KIF26B: variants seen among roughly 807,000 people sequenced by gnomAD.
The protein encoded by KIF26B is kinesin-like protein KIF26B.
In KIF26B, 63 loss-of-function variants were observed where a neutral mutation model predicts 151.2. The ratio of observed to expected loss-of-function variants is 0.42; its 90% CI spans 0.34 to 0.51. The LOEUF (loss-of-function observed/expected upper bound fraction) is 0.51. Among genes scored for constraint, KIF26B ranks in the 20% least tolerant of loss-of-function variants. The pLI, the probability that KIF26B is intolerant of heterozygous loss-of-function variation, is 0.07. For synonymous variants in KIF26B, 1,357 were observed against 1,262.1 expected, an observed-to-expected ratio of 1.08 and a Z score of -1.59; for missense variants, 2,813 against 2,913.6, an observed-to-expected ratio of 0.97 and a Z score of 0.79.
intron 2 of KIF26B, among the ~76,000 whole-genome samples, chr1:245,238,075 G>A (rs930059454): frequency 1.3e-5 from 2 of 151,526 alleles, no homozygotes; most frequent in Admixed American, 6.6e-5. Context: ...GCTCATGCCC[G>A]TAATCCCAGC....
intron 4 of KIF26B, among the ~76,000 whole-genome samples, chr1:245,521,109 G>A (rs188784213): frequency 3.9e-5 from 6 of 152,204 alleles, no homozygotes; most frequent in East Asian, 3.9e-4. Context: ...AGGCCGAGGC[G>A]GGCGGATCAC....
intron 2 of KIF26B, among the ~76,000 whole-genome samples, chr1:245,164,810 C>A (rs1191571840): frequency 6.6e-6 from 1 of 152,148 alleles, no homozygotes; most frequent in African/African-American, 2.4e-5. Context: ...CGGTGGCTCA[C>A]GCCTGTAATC....
chr1:245,540,760 A>T lies in KIF26B; in HGVS notation c.1167-7A>T, dbSNP rs1428070726. On this transcript the variant is annotated splice_region_variant and splice_polypyrimidine_tract_variant and intron_variant, in intron 4 of 14. Transcript: ENST00000407071. The surrounding 1 kb of genome is among the most constrained non-coding windows in gnomAD (Gnocchi z 4.6). ...TTTTCCCCTTATTGTTCCTTTTTCC[A>T]CTCCAGAGCTGCCCAGAAGTTAAAT... is the stretch of plus-strand genomic sequence containing the variant. 6.2e-7 allele frequency: 1 copy of T among 1,612,680 alleles called. No individual in the cohort carries two copies. Among genetic ancestry groups the T allele is most frequent in the Admixed American group, 1.7e-5 (1 of 59,992 alleles).
rs1271336711 is a variant in KIF26B at position 245,166,468 on chromosome 1, C to A, written c.465+9785C>A. 6.6e-6 allele frequency among the ~76,000 whole-genome samples: 1 copy of A among 152,176 alleles called. No individual in the cohort carries two copies. Among genetic ancestry groups the A allele is most frequent in the East Asian group, 1.9e-4 (1 of 5,190 alleles). On this transcript the variant is annotated intron_variant, in intron 2 of 14. Transcript: ENST00000407071. The surrounding 1 kb of genome is among the most constrained non-coding windows in gnomAD (Gnocchi z 4.5). ...GGAGCTCAGTGGATGTAAATAGCGA[C>A]TCCTTTGGGTTGAGGTGCCATGAAT...
At chr1:245,246,308 G>A (rs74908567) in intron 2 of KIF26B, among the ~76,000 whole-genome samples, 23 of 152,242 alleles carry the variant, frequency 1.5e-4, no homozygotes, top group Non-Finnish European at 2.9e-4. Flanking sequence ...TCTGCTCTTC[G>A]GAATCATTGA....
At chr1:245,382,705 A>T (rs1673440649) in intron 3 of KIF26B, among the ~76,000 whole-genome samples, 2 of 151,890 alleles carry the variant, frequency 1.3e-5, no homozygotes, top group South Asian at 4.2e-4. Context: ...AGTAGCTGAG[A>T]TTACAGGCAT....
chr1:245,229,873 G>T (rs879510685), intron 2 of KIF26B, among the ~76,000 whole-genome samples: 1 of 152,194 alleles, frequency 6.6e-6, no homozygotes, highest in Non-Finnish European at 1.5e-5. Flanking sequence ...GGTGGCTCAC[G>T]CCTGTAATCC....
intron 2 of KIF26B, among the ~76,000 whole-genome samples, chr1:245,299,783 G>A (rs1671398469): frequency 6.6e-6 from 1 of 152,250 alleles, no homozygotes; most frequent in East Asian, 1.9e-4. Context: ...AATCCCATTC[G>A]AGTAAATAAT....
At chr1:245,603,284 A>G (rs959749188) in intron 6 of KIF26B, among the ~76,000 whole-genome samples, 14 of 152,210 alleles carry the variant, frequency 9.2e-5, no homozygotes, top group African/African-American at 3.4e-4. Flanking sequence ...GCTGACATGC[A>G]TCCTGTGGCC....
At position 245,367,019 on chromosome 1, in the gene KIF26B, G is replaced by A. The variant is rs745665621; in HGVS notation, c.651G>A (p.Ser217=). 2.8e-5 allele frequency: 45 copies of A among 1,611,170 alleles called. No homozygotes were observed. Among genetic ancestry groups the A allele is most frequent in the Admixed American group, 8.4e-5 (5 of 59,670 alleles). Residue 217 remains serine (S), a synonymous_variant, in exon 3 of 15, where the codon TCG becomes TCA. Transcript: ENST00000407071. This position sits in a 1 kb window ranked among gnomAD's most constrained non-coding sequence, Gnocchi z 4.2. ...QAAGSEHYDA[S]PCSPPPLSNI... ...CCGGCAGTGAGCACTACGACGCCTCGCCCTGCTCCCCGCCACCGCTCTCCA... is the reference window on the plus strand; with the variant it reads ...CCGGCAGTGAGCACTACGACGCCTCACCCTGCTCCCCGCCACCGCTCTCCA...
At chr1:245,390,943 A>AAAACAACAAAACAAAAC (rs1553270129) in intron 3 of KIF26B, among the ~76,000 whole-genome samples, 2 of 118,412 alleles carry the variant, frequency 1.7e-5, no homozygotes, top group African/African-American at 8.2e-5. Context: ...AAAAAAAAAA[A>AAAACAACAAAACAAAAC]AAAAAAAAAC....
Position 245,687,795 on chromosome 1 carries a change from C to T in KIF26B, c.4812C>T (p.Ser1604=), listed in dbSNP as rs1410254736. Residue 1604 remains serine (S), a synonymous_variant, in exon 12 of 15, where the codon TCC becomes TCT. Coordinates refer to ENST00000407071, the MANE Select transcript of KIF26B (RefSeq NM_018012.4). This position sits in a 1 kb window ranked among gnomAD's most constrained non-coding sequence, Gnocchi z 4.9. ...GTPPLPPVRK[S]SLDQKNRASP... ...CCCCTCTGCCCCCTGTCCGAAAGTC[C>T]AGCCTGGACCAGAAGAACCGGGCCA... The T allele has an allele frequency of 6.3e-7, 1 of 1,589,882 alleles. No individual in the cohort carries two copies. Among genetic ancestry groups the T allele is most frequent in the East Asian group, 2.3e-5 (1 of 43,188 alleles).
chr1:245,279,466 C>T (rs749506788), intron 2 of KIF26B, among the ~76,000 whole-genome samples: 24 of 151,978 alleles, frequency 1.6e-4, no homozygotes, highest in Non-Finnish European at 2.8e-4. Flanking sequence ...CACTATCACA[C>T]GGGGCTAATT....
chr1:245,219,751 G>A (rs925071967), intron 2 of KIF26B, among the ~76,000 whole-genome samples: 15 of 152,146 alleles, frequency 9.9e-5, no homozygotes, highest in African/African-American at 3.6e-4. Flanking sequence ...CCAAAAAAAA[G>A]AAAACAAAGA....
At chr1:245,175,811 G>A (rs1047284979) in intron 2 of KIF26B, among the ~76,000 whole-genome samples, 4 of 151,646 alleles carry the variant, frequency 2.6e-5, no homozygotes, top group East Asian at 1.9e-4. Context: ...AAAGAGTCAC[G>A]GGCTTTATTG....
chr1:245,685,330 C>A, intron 11 of KIF26B, 75 bp from the exon 12 acceptor site: 3 of 1,272,452 alleles, frequency 2.4e-6, no homozygotes, highest in East Asian at 5.0e-5. Flanking sequence ...GCCTTCACCA[C>A]TTGCCGCGCA....
chr1:245,215,152 C>T (rs1669618768), intron 2 of KIF26B, among the ~76,000 whole-genome samples: 1 of 152,142 alleles, frequency 6.6e-6, no homozygotes, highest in Non-Finnish European at 1.5e-5. Context: ...TTTGTCCTCT[C>T]TTGCTTGGCT....
chr1:245,265,043 C>T (rs1461176337), intron 2 of KIF26B, among the ~76,000 whole-genome samples: 1 of 148,328 alleles, frequency 6.7e-6, no homozygotes, highest in African/African-American at 2.5e-5. Flanking sequence ...ACTAAAAATA[C>T]AAAAAAAAAT....
At chr1:245,203,075 A>G (rs1669333526) in intron 2 of KIF26B, among the ~76,000 whole-genome samples, 1 of 151,580 alleles carries the variant, frequency 6.6e-6, no homozygotes. Context: ...CAACATTTTT[A>G]GTCTCTACTA....
Sources: gnomAD v4.1 joint callset for allele counts (sites outside exome capture counted in the v4.1 genomes callset) on GRCh38, gnomAD v4.1.1 for gene constraint, Gnocchi (gnomAD v3.1) non-coding constraint, MANE v1.5 for transcripts, NCBI Gene and HGNC (gene_info 2026-07-23, HGNC 2026-07-21) for gene names.